PDE7A: variants seen among roughly 807,000 people sequenced by gnomAD.
PDE7A encodes phosphodiesterase 7A.
Under a neutral mutation model 64.3 loss-of-function variants are expected in PDE7A, and 39 were observed. The ratio of observed to expected loss-of-function variants is 0.61; its 90% CI spans 0.47 to 0.79. The LOEUF is 0.79. Among genes scored for constraint, PDE7A ranks in the 30% least tolerant of loss-of-function variants. PDE7A has a pLI of 0.00. For synonymous variants in PDE7A, 203 were observed against 206.8 expected (o/e 0.98, Z 0.16); for missense variants, 470 against 582.8 (o/e 0.81, Z 1.99).
chr8:65,814,708 AATT>A (rs879509787), intron 1 of PDE7A, among the ~76,000 whole-genome samples: 3 of 151,892 alleles, frequency 2.0e-5, no homozygotes, highest in African/African-American at 4.8e-5. Context: ...TATCCTTCTA[AATT>A]ATTTAATTTT....
intron 3 of PDE7A, among the ~76,000 whole-genome samples, chr8:65,768,064 C>A (rs1808883128): frequency 6.6e-6 from 1 of 152,086 alleles, no homozygotes; most frequent in Non-Finnish European, 1.5e-5. Context: ...AGAGGACACC[C>A]AGTTGGTGTC....
At chr8:65,805,112 G>C (rs555090629) in intron 1 of PDE7A, among the ~76,000 whole-genome samples, 1 of 152,248 alleles carries the variant, frequency 6.6e-6, no homozygotes, top group Non-Finnish European at 1.5e-5. Flanking sequence ...CCAAAGTGTT[G>C]GGATTACAGG....
At chr8:65,805,359 G>A (rs1398848003) in intron 1 of PDE7A, among the ~76,000 whole-genome samples, 1 of 152,192 alleles carries the variant, frequency 6.6e-6, no homozygotes, top group Non-Finnish European at 1.5e-5. Context: ...TTTCTAAAGT[G>A]TTGAGCAGAA....
At chr8:65,725,696 A>G (rs1806579952) in intron 9 of PDE7A, 1 of 151,502 alleles carries the variant, frequency 6.6e-6, no homozygotes, top group South Asian at 2.1e-4. Context: ...CACAATATTG[A>G]ATGTTAAAAC....
chr8:65,781,884 C>A (rs1316700), intron 2 of PDE7A, among the ~76,000 whole-genome samples: 48,814 of 151,912 alleles, frequency 0.32, 8,707 homozygotes, highest in African/African-American at 0.48. Context: ...GAGAAAAAGG[C>A]TGCACATTTG....
At chr8:65,809,383 C>CA (rs200571841) in intron 1 of PDE7A, among the ~76,000 whole-genome samples, 3 of 150,696 alleles carry the variant, frequency 2.0e-5, no homozygotes, top group Non-Finnish European at 4.5e-5. Flanking sequence ...ATCTTTGTAT[C>CA]AAAAAAAAGT....
chr8:65,731,970 T>C (rs1806907143), intron 7 of PDE7A, among the ~76,000 whole-genome samples: 2 of 131,452 alleles, frequency 1.5e-5, no homozygotes, highest in African/African-American at 5.9e-5. Flanking sequence ...TTCTCTATAT[T>C]ATTATTATTA....
chr8:65,742,074 CAA>C (rs931971722), intron 5 of PDE7A, among the ~76,000 whole-genome samples: 1 of 152,108 alleles, frequency 6.6e-6, no homozygotes, highest in Non-Finnish European at 1.5e-5. Context: ...TATTTCAAAA[CAA>C]GAGATGCTCA....
rs1403375969 is a variant in PDE7A at position 65,841,762 on chromosome 8, G to T, written c.-254C>A. ...CGCGCGCCTCGCTCCAGGCGAGGGG[G>T]GACGGGGTGCAAGCGGGGCCAGCAC... is the stretch of plus-strand genomic sequence containing the variant. On this transcript the variant is annotated 5_prime_UTR_variant, in exon 1 of 13. Transcript: ENST00000401827. 2 of 153,230 alleles carry T rather than the reference G, an allele frequency of 1.3e-5. No individual in the cohort carries two copies. The highest frequency in any genetic ancestry group is 2.9e-5 in the Non-Finnish European group (2 of 69,376). The allele number at this position is 153,230 out of a possible 1,614,324, so 9.5% of individuals were successfully genotyped here. A position where few individuals can be genotyped will look rare whatever the true frequency, so the allele number is the denominator to read the frequency against.
At chr8:65,817,752 GT>G (rs145545830) in intron 1 of PDE7A, among the ~76,000 whole-genome samples, 100,416 of 109,990 alleles carry the variant, frequency 0.91, 45,951 homozygotes, top group South Asian at 0.98. Context: ...ATCAAGGAGT[GT>G]TTTTTTTTTT....
rs147577462 is a variant in PDE7A, at chr8:65,768,575, T to G, written c.283+11145A>C. On this transcript the variant is annotated intron_variant, in intron 3 of 12. Coordinates refer to ENST00000401827, the MANE Select transcript of PDE7A (RefSeq NM_001242318.3). Reference sequence around the variant, plus strand: ...TAATAAACCTCTTTCTTTTGTAGATTGCCCAATCTTGGAATGTCTTTATCA... The same window carrying G: ...TAATAAACCTCTTTCTTTTGTAGATGGCCCAATCTTGGAATGTCTTTATCA... Among the ~76,000 whole-genome samples the G allele has an allele frequency of 4.9e-4, 74 of 152,314 alleles. 2 individuals carry two copies. In the South Asian group the frequency reaches 0.015, roughly 31 times the overall value.
chr8:65,757,182 A>G (rs1431629276), intron 3 of PDE7A, among the ~76,000 whole-genome samples: 1 of 152,206 alleles, frequency 6.6e-6, no homozygotes, highest in Non-Finnish European at 1.5e-5. Context: ...GTGGGCAGAC[A>G]TTAGAGTCCT....
At chr8:65,727,149 T>C in intron 8 of PDE7A, 21 bp downstream of exon 8, 1 of 1,360,234 alleles carries the variant, frequency 7.4e-7, no homozygotes, top group Non-Finnish European at 1.0e-6. Context: ...TAATAAATCT[T>C]GATGATAAAA....
intron 1 of PDE7A, among the ~76,000 whole-genome samples, chr8:65,795,365 G>A (rs1224093772): frequency 2.6e-5 from 4 of 152,212 alleles, no homozygotes; most frequent in Admixed American, 2.6e-4. Context: ...GGAGGCTGAG[G>A]TACCTGGAAT....
At chr8:65,806,215 A>C (rs892901685) in intron 1 of PDE7A, among the ~76,000 whole-genome samples, 9 of 152,216 alleles carry the variant, frequency 5.9e-5, no homozygotes, top group Non-Finnish European at 1.0e-4. Flanking sequence ...GCAAAACATA[A>C]ATTTTCAAAC....
chr8:65,774,369 T>C (rs759011333), intron 3 of PDE7A, among the ~76,000 whole-genome samples: 10 of 152,194 alleles, frequency 6.6e-5, no homozygotes, highest in Non-Finnish European at 1.3e-4. Context: ...TGGTTCCCTC[T>C]TTATAATCAG....
chr8:65,773,370 C>A (rs1393970591), intron 3 of PDE7A, among the ~76,000 whole-genome samples: 2 of 152,174 alleles, frequency 1.3e-5, no homozygotes, highest in Admixed American at 1.3e-4. Context: ...TAGCAAGAGT[C>A]CATTTTCAAC....
At chr8:65,776,134 A>C (rs1809252976) in intron 3 of PDE7A, among the ~76,000 whole-genome samples, 1 of 152,140 alleles carries the variant, frequency 6.6e-6, no homozygotes, top group Non-Finnish European at 1.5e-5. Flanking sequence ...ATCAACCAAA[A>C]TTTGATTTTT....
At chr8:65,780,581 T>G (rs1336715795) in intron 2 of PDE7A, among the ~76,000 whole-genome samples, 2 of 152,182 alleles carry the variant, frequency 1.3e-5, no homozygotes, top group Admixed American at 1.3e-4. Flanking sequence ...TTTTATTTTC[T>G]TCTCTCATCG....
Sources: gnomAD v4.1 joint callset for allele counts (sites outside exome capture counted in the v4.1 genomes callset) on GRCh38, gnomAD v4.1.1 for gene constraint, MANE v1.5 for transcripts, NCBI Gene and HGNC (gene_info 2026-07-23, HGNC 2026-07-21) for gene names.